RTF2: variants seen among roughly 807,000 people sequenced by gnomAD.
The protein encoded by RTF2 is UPF0549 protein C20orf43.
RTF2 carries 18 observed loss-of-function variants against 38.0 expected under a neutral mutation model. The observed-to-expected ratio is 0.47, with a 90% CI of 0.33 to 0.70. The LOEUF (loss-of-function observed/expected upper bound fraction) is 0.70. RTF2 is among the 30% of genes least tolerant of loss of function. The pLI is 0.02. For synonymous variants in RTF2, 126 were observed against 137.1 expected (o/e 0.92, Z 0.57); for missense variants, 311 against 379.6 (o/e 0.82, Z 1.50).
Position 56,468,669 on chromosome 20 carries a change from T to C in RTF2, c.-29T>C, listed in dbSNP as rs1424778143. 8 of 1,555,400 alleles carry C rather than the reference T, an allele frequency of 5.1e-6. No homozygotes were observed. Among genetic ancestry groups the C allele is most frequent in the Non-Finnish European group, 7.0e-6 (8 of 1,148,660 alleles). On this transcript the variant is annotated 5_prime_UTR_variant, in exon 1 of 9. Transcript: ENST00000357348. The stretch of plus-strand genomic sequence containing the variant: ...TCCCGGAAGTGACAGCTTTGGGGGT[T>C]TGCTGCTGGCTCTGACTCCCGTCCT...
intron 5 of RTF2, among the ~76,000 whole-genome samples, chr20:56,507,296 A>C (rs531670651): frequency 6.2e-4 from 94 of 152,046 alleles, no homozygotes; most frequent in Non-Finnish European, 1.2e-3. Flanking sequence ...GGGATGAACC[A>C]CTGCACTCAG....
chr20:56,511,048 T>C (rs1984631683), intron 5 of RTF2, among the ~76,000 whole-genome samples: 1 of 152,250 alleles, frequency 6.6e-6, no homozygotes, highest in East Asian at 1.9e-4. Flanking sequence ...CTTTGGCTTA[T>C]TGTTTTTTGT....
intron 5 of RTF2, among the ~76,000 whole-genome samples, chr20:56,507,334 A>G (rs2084063123): frequency 6.6e-6 from 1 of 152,092 alleles, no homozygotes; most frequent in African/African-American, 2.4e-5. Flanking sequence ...CCTACCCAGA[A>G]CGAGTGATGG....
In RTF2 at chr20:56,468,769, C is replaced by T; in HGVS notation, c.69+3C>T. On this transcript the variant is annotated splice_donor_region_variant and intron_variant, in intron 1 of 8. Coordinates refer to ENST00000357348, the MANE Select transcript of RTF2 (RefSeq NM_016407.5). ...AGGGGCCGAAGAAGGTTGAGAAGGT[C>T]AGTGATGTGGGCCGGCTCTTGGCGA... 1 of 1,576,082 alleles carries T rather than the reference C, an allele frequency of 6.3e-7. No individual in the cohort carries two copies. Among genetic ancestry groups the T allele is most frequent in the East Asian group, 2.3e-5 (1 of 42,612 alleles).
At chr20:56,476,209 G>A (rs747518995) in intron 3 of RTF2, among the ~76,000 whole-genome samples, 4 of 152,162 alleles carry the variant, frequency 2.6e-5, no homozygotes, top group African/African-American at 9.7e-5. Flanking sequence ...TCGTTAGACC[G>A]TGGCCTCAGA....
rs759274389 is a variant in RTF2, at chr20:56,513,345, A to G, written c.508A>G (p.Ile170Val). 3.1e-6 allele frequency: 5 copies of G among 1,606,954 alleles called. No homozygotes were observed. The highest frequency in any genetic ancestry group is 4.2e-6 in the Non-Finnish European group (5 of 1,177,164). The change falls in exon 6 of 9, where the codon ATC (isoleucine) becomes GTC (valine). Residue 170 changes from isoleucine (I) to valine (V), a missense_variant. Physicochemically the swap from Ile to Val is conservative, Grantham distance 29. Coordinates refer to ENST00000357348, the MANE Select transcript of RTF2 (RefSeq NM_016407.5). ...CGAAFQEDDVIMLNGTKEDVD... is the reference protein window; with the variant it reads ...CGAAFQEDDVVMLNGTKEDVD... ...GGCTGCCTTCCAGGAGGATGATGTC[A>G]TCATGCTCAATGGCACCAAGGAGGA...
intron 1 of RTF2, among the ~76,000 whole-genome samples, 176 bp from the exon 2 acceptor site, chr20:56,473,125 C>T (rs189539960): frequency 3.3e-5 from 5 of 152,108 alleles, no homozygotes; most frequent in Admixed American, 2.6e-4. Flanking sequence ...AGTGAGACCC[C>T]GTCTCAAAAA....
intron 5 of RTF2, among the ~76,000 whole-genome samples, chr20:56,486,139 T>C (rs1982782381): frequency 6.6e-6 from 1 of 152,126 alleles, no homozygotes; most frequent in Admixed American, 6.5e-5. Context: ...CCCATTTTGC[T>C]GTCCTTCAGA....
intron 1 of RTF2, among the ~76,000 whole-genome samples, chr20:56,468,977 CAG>C (rs895780624): frequency 5.1e-4 from 77 of 152,310 alleles, no homozygotes; most frequent in African/African-American, 1.5e-3. Context: ...GTAATCTTAA[CAG>C]GGGGTATCTC....
chr20:56,507,612 A>T (rs1176047109), intron 5 of RTF2, among the ~76,000 whole-genome samples: 1 of 152,192 alleles, frequency 6.6e-6, no homozygotes, highest in Non-Finnish European at 1.5e-5. Flanking sequence ...GAACAGTCTG[A>T]TCTAGAGGAA....
intron 5 of RTF2, among the ~76,000 whole-genome samples, chr20:56,507,495 G>A (rs1009059791): frequency 1.3e-5 from 2 of 152,188 alleles, no homozygotes; most frequent in Non-Finnish European, 2.9e-5. Flanking sequence ...TTTCTAATGT[G>A]AGGGGTTCCT....
intron 5 of RTF2, chr20:56,497,687 C>T (rs1983646272): frequency 2.8e-6 from 3 of 1,073,776 alleles, no homozygotes; most frequent in East Asian, 5.9e-5. Context: ...ACAACAGATA[C>T]AATTTAGGGT....
intron 5 of RTF2, among the ~76,000 whole-genome samples, chr20:56,505,487 C>CATCATCATAATA (rs74181054): frequency 7.2e-6 from 1 of 139,652 alleles, no homozygotes; most frequent in East Asian, 2.1e-4. Flanking sequence ...GATGCCATCT[C>CATCATCATAATA]ATAATAATAA....
rs370327667 is a variant in RTF2, at chr20:56,484,166, A to G, written c.454A>G (p.Ile152Val). The G allele has an allele frequency of 5.0e-6, 8 of 1,614,034 alleles. No homozygotes were observed. The African/African-American group carries it at 1.1e-4, about 22-fold the overall frequency. Residue 152 changes from isoleucine (I) to valine (V), a missense_variant, in exon 5 of 9, where the codon ATA becomes GTA. Coordinates refer to ENST00000357348, the MANE Select transcript of RTF2 (RefSeq NM_016407.5). Reference protein sequence around the residue: ...CVFSERALKEIKAEVCHTCGA... With the variant: ...CVFSERALKEVKAEVCHTCGA... Reference sequence around the variant, plus strand: ...GTTTTCTGAGCGAGCCTTGAAAGAGATAAAAGCGGAAGTTTGCCACACGGT... The same window carrying G: ...GTTTTCTGAGCGAGCCTTGAAAGAGGTAAAAGCGGAAGTTTGCCACACGGT...
chr20:56,484,533 T>C (rs1353695130), intron 5 of RTF2, among the ~76,000 whole-genome samples: 1 of 152,218 alleles, frequency 6.6e-6, no homozygotes, highest in African/African-American at 2.4e-5. Flanking sequence ...TCCTTCCACA[T>C]TCCCCAAGCA....
intron 5 of RTF2, among the ~76,000 whole-genome samples, chr20:56,485,186 G>T (rs1022441091): frequency 1.3e-5 from 2 of 152,138 alleles, no homozygotes. Context: ...CTGGCGTAGT[G>T]GTGGTCGGCA....
chr20:56,496,800 G>A, intron 5 of RTF2: 1 of 1,552,042 alleles, frequency 6.4e-7, no homozygotes, highest in Non-Finnish European at 8.7e-7. Flanking sequence ...TAAGTTATGG[G>A]GTGGTTTGTC....
intron 1 of RTF2, chr20:56,472,415 T>A: frequency 6.6e-7 from 1 of 1,525,996 alleles, no homozygotes; most frequent in Non-Finnish European, 8.9e-7. Flanking sequence ...TGGAATATGA[T>A]GTATGTGAAA....
chr20:56,498,653 A>G (rs1320274386), intron 5 of RTF2, among the ~76,000 whole-genome samples: 3 of 152,208 alleles, frequency 2.0e-5, no homozygotes, highest in Non-Finnish European at 4.4e-5. Context: ...AAGTGACCAA[A>G]AGGTTTCAGT....
Sources: allele counts gnomAD v4.1 joint callset (sites outside exome capture counted in the v4.1 genomes callset), GRCh38; gene constraint gnomAD v4.1.1; transcripts MANE v1.5; gene names NCBI Gene and HGNC (gene_info 2026-07-23, HGNC 2026-07-21).